Variants in DBF4 observed in about 807,000 individuals in gnomAD.
DBF4 encodes the protein protein DBF4 homolog A.
Under a neutral mutation model 76.6 loss-of-function variants are expected in DBF4, and 25 were observed. The observed-to-expected ratio is 0.33, with a 90% CI of 0.24 to 0.46. The LOEUF is 0.46. DBF4 is among the 20% of genes least tolerant of loss of function. The probability of loss-of-function intolerance (pLI) is 1.00; values close to 1 mark genes in which losing one functional copy is unlikely to be tolerated. For missense variants in DBF4, 638 were observed against 760.8 expected, an observed-to-expected ratio of 0.84 and a Z score of 1.90; for synonymous variants, 213 against 258.0, an observed-to-expected ratio of 0.83 and a Z score of 1.67.
rs1839597687 is a variant in DBF4, at chr7:87,894,970, C to CT, written c.598-1504_598-1503insT. Among the ~76,000 whole-genome samples the CT allele has an allele frequency of 2.0e-5, 3 of 152,052 alleles. No homozygotes were observed. In the South Asian group the frequency reaches 6.2e-4, roughly 32 times the overall value. On this transcript the variant is annotated intron_variant, in intron 6 of 11. Coordinates refer to ENST00000265728, the MANE Select transcript of DBF4 (RefSeq NM_006716.4). ...AATTTTTTTTCTTCACTAGTCTCTC[C>CT]CCTCTTTTTCCACCATTCCAGTTGA...
At chr7:87,897,730 T>G (rs1839676393) in intron 8 of DBF4, among the ~76,000 whole-genome samples, 2 of 152,240 alleles carry the variant, frequency 1.3e-5, no homozygotes, top group Admixed American at 1.3e-4. Context: ...ACATGGTTGA[T>G]TTCCAAAATT....
chr7:87,893,439 G>T (rs1178600402), intron 6 of DBF4, among the ~76,000 whole-genome samples: 1 of 151,202 alleles, frequency 6.6e-6, no homozygotes, highest in Non-Finnish European at 1.5e-5. Flanking sequence ...TAGAGACGGG[G>T]TTTCACCTTG....
intron 2 of DBF4, among the ~76,000 whole-genome samples, chr7:87,878,871 CT>C (rs1204675811): frequency 2.0e-5 from 3 of 152,176 alleles, no homozygotes; most frequent in Non-Finnish European, 4.4e-5. Flanking sequence ...TGGACTTTGA[CT>C]TTCTGAAGGT....
intron 8 of DBF4, among the ~76,000 whole-genome samples, chr7:87,898,195 G>A (rs1323581293): frequency 6.6e-6 from 1 of 152,064 alleles, no homozygotes. Flanking sequence ...ATTCTCTTGG[G>A]TACTCACACT....
intron 4 of DBF4, 132 bp from the exon 5 acceptor site, chr7:87,887,197 A>C: frequency 1.3e-6 from 1 of 757,128 alleles, no homozygotes; most frequent in Non-Finnish European, 2.1e-6. Context: ...TGTCCTAGCT[A>C]TTGTAACTCT....
At chr7:87,900,709 A>T (rs993823947) in intron 9 of DBF4, 55 bp from the exon 10 acceptor site, 27 of 1,424,376 alleles carry the variant, frequency 1.9e-5, no homozygotes, top group Middle Eastern at 4.3e-4. Flanking sequence ...ATAAATTTTT[A>T]AAGTTATTCC....
intron 11 of DBF4, 82 bp from the exon 12 acceptor site, chr7:87,907,106 T>C: frequency 7.9e-7 from 1 of 1,264,916 alleles, no homozygotes; most frequent in East Asian, 2.6e-5. Context: ...TATAATGTTT[T>C]TACTAATTTA....
Position 87,885,154 on chromosome 7 carries a change from A to C in DBF4, c.395A>C (p.Asp132Ala). 1.9e-6 allele frequency: 3 copies of C among 1,606,644 alleles called. No homozygotes were observed. The highest frequency in any genetic ancestry group is 2.6e-6 in the Non-Finnish European group (3 of 1,176,042). The change falls in exon 3 of 12, where the codon GAC (aspartate) becomes GCC (alanine). Residue 132 changes from aspartate (D) to alanine (A), a missense_variant. By Grantham distance (126) the Asp-to-Ala change is moderately radical (BLOSUM62 -2). Coordinates refer to ENST00000265728, the MANE Select transcript of DBF4 (RefSeq NM_006716.4). ...GATGGAAGTTCATTTAAGTCACCAG[A>C]CACAGTAAGTCTCTTAAATATGCTT... is the stretch of plus-strand genomic sequence containing the variant. ...SHDGSSFKSP[D>A]TVCLSRGKLL...
intron 2 of DBF4, among the ~76,000 whole-genome samples, chr7:87,882,726 G>A (rs1386404054): frequency 4.6e-5 from 7 of 152,096 alleles, no homozygotes; most frequent in Admixed American, 4.6e-4. Flanking sequence ...AATGTTCAAC[G>A]TCACTAATCA....
In DBF4 at chr7:87,908,240, T is replaced by G. The variant is rs572869162; in HGVS notation, c.*77T>G. On this transcript the variant is annotated 3_prime_UTR_variant, in exon 12 of 12. Transcript: ENST00000265728. ...TTTTTATAAATATGTATGGAAATTC[T>G]TAGGATTTTTTTACCAGCTTTGTTT... 7.5e-7 allele frequency: 1 copy of G among 1,327,846 alleles called. No individual in the cohort carries two copies. The highest frequency in any genetic ancestry group is 2.1e-5 in the South Asian group (1 of 47,766). 82.3% of individuals were successfully genotyped at this position (1,327,846 alleles called of 1,614,324 possible).
intron 10 of DBF4, among the ~76,000 whole-genome samples, chr7:87,901,559 G>A (rs529129466): frequency 1.3e-5 from 2 of 152,264 alleles, no homozygotes; most frequent in African/African-American, 4.8e-5. Flanking sequence ...TAAAAAGTGG[G>A]CTTATTATTT....
intron 6 of DBF4, among the ~76,000 whole-genome samples, chr7:87,894,473 T>G (rs1423530367): frequency 1.3e-5 from 2 of 152,046 alleles, no homozygotes; most frequent in African/African-American, 4.8e-5. Context: ...AAAAAAAAAG[T>G]TGGGTTTTAA....
chr7:87,876,936 C>T (rs1436716066), intron 1 of DBF4, among the ~76,000 whole-genome samples, 158 bp downstream of exon 1: 1 of 152,186 alleles, frequency 6.6e-6, no homozygotes, highest in Non-Finnish European at 1.5e-5. Flanking sequence ...AGTGTTTTGC[C>T]TAAGAAGGAA....
intron 6 of DBF4, among the ~76,000 whole-genome samples, chr7:87,892,413 G>A (rs1839515296): frequency 6.6e-6 from 1 of 152,082 alleles, no homozygotes; most frequent in African/African-American, 2.4e-5. Flanking sequence ...TCTTTTCATG[G>A]CTTGACAGCT....
intron 6 of DBF4, among the ~76,000 whole-genome samples, chr7:87,889,579 C>T (rs986455854): frequency 3.9e-5 from 6 of 152,196 alleles, no homozygotes; most frequent in African/African-American, 1.4e-4. Context: ...CACACCCAGC[C>T]CTCATTTTTT....
intron 9 of DBF4, 28 bp downstream of exon 9, chr7:87,900,377 G>T: frequency 6.4e-7 from 1 of 1,560,488 alleles, no homozygotes; most frequent in South Asian, 1.2e-5. Context: ...CTTTTAGAAG[G>T]AATATTCAGA....
At chr7:87,907,109 CTAATT>C (rs1245330142) in intron 11 of DBF4, 74 bp from the exon 12 acceptor site, 8 of 1,271,716 alleles carry the variant, frequency 6.3e-6, no homozygotes, top group Non-Finnish European at 8.4e-6. Flanking sequence ...AATGTTTTTA[CTAATT>C]TAATTTCTAA....
Position 87,908,450 on chromosome 7 carries a change from A to G in DBF4, c.*287A>G, listed in dbSNP as rs1584378022. On this transcript the variant is annotated 3_prime_UTR_variant, in exon 12 of 12. Coordinates refer to ENST00000265728, the MANE Select transcript of DBF4 (RefSeq NM_006716.4). ...GCTTTGTCACTGAAAACCACCAGTGAAGTGCAATTTGGGGAATATCAAACT... is the reference window on the plus strand; with the variant it reads ...GCTTTGTCACTGAAAACCACCAGTGGAGTGCAATTTGGGGAATATCAAACT... 2 of 211,676 alleles carry G rather than the reference A, an allele frequency of 9.4e-6. No homozygotes were observed. The highest frequency in any genetic ancestry group is 2.1e-4 in the East Asian group (2 of 9,598). The allele number at this position is 211,676 out of a possible 1,614,324, so 13.1% of individuals were successfully genotyped here. A position where few individuals can be genotyped will look rare whatever the true frequency, so the allele number is the denominator to read the frequency against.
intron 2 of DBF4, among the ~76,000 whole-genome samples, chr7:87,882,856 A>G (rs1315836174): frequency 6.6e-6 from 1 of 152,200 alleles, no homozygotes; most frequent in Non-Finnish European, 1.5e-5. Context: ...TCTGAGTGGT[A>G]GTGTAACACG....
Sources: gnomAD v4.1 joint callset for allele counts (sites outside exome capture counted in the v4.1 genomes callset) on GRCh38, gnomAD v4.1.1 for gene constraint, MANE v1.5 for transcripts, NCBI Gene and HGNC (gene_info 2026-07-23, HGNC 2026-07-21) for gene names.